The following QNG1 variants were observed in gnomAD, a reference collection of about 807,000 sequenced individuals.
The protein encoded by QNG1 is queuosine 5'-phosphate N-glycosylase/hydrolase.
chr9:83,951,021 A>G, the QNG1 span, among the ~76,000 whole-genome samples: 20 of 152,126 alleles, frequency 1.3e-4, no homozygotes, highest in Non-Finnish European at 2.6e-4. Flanking sequence ...TAATCCCAGC[A>G]CTTTGGGAGG....
At chr9:83,955,246 CTTGAT>C in the QNG1 span, 1 of 907,368 alleles carries the variant, frequency 1.1e-6, no homozygotes, top group Non-Finnish European at 1.6e-6. Context: ...TGAAACACTA[CTTGAT>C]TTTGTTAGTT....
At chr9:83,955,467 C>T in the QNG1 span, 2 of 1,614,008 alleles carry the variant, frequency 1.2e-6, no homozygotes, top group Admixed American at 3.3e-5. Flanking sequence ...CTTTCTCGGA[C>T]GCAGTTGAGA....
At chr9:83,947,063 T>C in the QNG1 span, among the ~76,000 whole-genome samples, 1 of 152,048 alleles carries the variant, frequency 6.6e-6, no homozygotes, top group African/African-American at 2.4e-5. Context: ...TGAGACTCTA[T>C]CTCAAAAAAC....
the QNG1 span, among the ~76,000 whole-genome samples, chr9:83,944,028 C>CAAACAAACAAACAAAAAAAA: frequency 6.7e-6 from 1 of 149,966 alleles, no homozygotes; most frequent in African/African-American, 2.5e-5. Context: ...CTCAAACAAA[C>CAAACAAACAAACAAAAAAAA]AAACATAAAG....
At chr9:83,956,041 G>T in the QNG1 span, 1 of 910,746 alleles carries the variant, frequency 1.1e-6, no homozygotes, top group Non-Finnish European at 1.7e-6. Flanking sequence ...GACTTGCAAC[G>T]AACTTCAGGT....
At chr9:83,946,580 G>A in the QNG1 span, among the ~76,000 whole-genome samples, 1 of 152,062 alleles carries the variant, frequency 6.6e-6, no homozygotes, top group South Asian at 2.1e-4. Context: ...AGCATTAGTG[G>A]GTTATAATTT....
At chr9:83,956,867 A>G in the QNG1 span, 1 of 204,678 alleles carries the variant, frequency 4.9e-6, no homozygotes, top group Non-Finnish European at 9.7e-6. Flanking sequence ...TGGGAGGTGC[A>G]TGGCTTTGCC....
chr9:83,948,855 G>A, the QNG1 span, among the ~76,000 whole-genome samples: 9 of 152,068 alleles, frequency 5.9e-5, no homozygotes, highest in South Asian at 6.2e-4. Flanking sequence ...GATAAAGGGC[G>A]GTGCAAGATG....
the QNG1 span, among the ~76,000 whole-genome samples, chr9:83,950,753 C>T: frequency 6.6e-6 from 1 of 151,778 alleles, no homozygotes; most frequent in Non-Finnish European, 1.5e-5. Flanking sequence ...GTGTTCACCA[C>T]CAAGGCCAGT....
the QNG1 span, among the ~76,000 whole-genome samples, chr9:83,941,517 G>C: frequency 6.6e-6 from 1 of 152,100 alleles, no homozygotes; most frequent in African/African-American, 2.4e-5. Flanking sequence ...CTTGAGCCCA[G>C]GAGTTTGAAG....
the QNG1 span, among the ~76,000 whole-genome samples, chr9:83,945,732 G>T: frequency 2.0e-5 from 3 of 151,988 alleles, no homozygotes; most frequent in South Asian, 6.2e-4. Flanking sequence ...CTCCCGAGTA[G>T]CTGGGACTAC....
chr9:83,949,084 T>C, the QNG1 span, among the ~76,000 whole-genome samples: 1 of 145,496 alleles, frequency 6.9e-6, no homozygotes, highest in Non-Finnish European at 1.5e-5. Context: ...CCAAGAATGA[T>C]CAATAAATAC....
At chr9:83,956,682 C>T in the QNG1 span, 1 of 501,574 alleles carries the variant, frequency 2.0e-6, no homozygotes, top group Admixed American at 3.8e-5. Context: ...CGGCGTTGCC[C>T]TGATTAGGAA....
the QNG1 span, among the ~76,000 whole-genome samples, chr9:83,943,331 CAAAAAAAAAAAAAAAAAAA>C: frequency 1.6e-5 from 1 of 62,550 alleles, no homozygotes; most frequent in Admixed American, 2.4e-4. Flanking sequence ...CAGAGCGTCT[CAAAAAAAAAAAAAAAAAAA>C]AAAAAAAAGA....
chr9:83,938,590 C>T, the QNG1 span: 3 of 151,338 alleles, frequency 2.0e-5, no homozygotes, highest in Non-Finnish European at 4.4e-5. Context: ...AGATTAGTCA[C>T]ATAAGGCATG....
chr9:83,955,313 T>G, the QNG1 span: 1 of 1,514,904 alleles, frequency 6.6e-7, no homozygotes, highest in African/African-American at 1.4e-5. Flanking sequence ...TTAAAATGAG[T>G]TCTGGAAGTA....
At chr9:83,947,269 AATGAC>A in the QNG1 span, among the ~76,000 whole-genome samples, 2 of 152,186 alleles carry the variant, frequency 1.3e-5, no homozygotes, top group Non-Finnish European at 2.9e-5. Context: ...TTAACTTGTA[AATGAC>A]ATAAACAAAT....
chr9:83,944,188 A>G, the QNG1 span, among the ~76,000 whole-genome samples: 1 of 152,220 alleles, frequency 6.6e-6, no homozygotes, highest in East Asian at 1.9e-4. Flanking sequence ...AAAATTTTGC[A>G]CCTAAAAGAG....
At chr9:83,948,614 G>A in the QNG1 span, among the ~76,000 whole-genome samples, 2 of 152,230 alleles carry the variant, frequency 1.3e-5, no homozygotes, top group Non-Finnish European at 2.9e-5. Context: ...CTCATTGAGA[G>A]CGGGCCATGA....
Sources: allele counts gnomAD v4.1 joint callset (sites outside exome capture counted in the v4.1 genomes callset), GRCh38; gene constraint gnomAD v4.1.1; transcripts MANE v1.5; gene names NCBI Gene and HGNC (gene_info 2026-07-23, HGNC 2026-07-21).